Variants in NBPF10 observed in about 807,000 individuals in gnomAD.
NBPF10 encodes NBPF member 10, also known as NBPF family member NBPF10.
Under a neutral mutation model 77.9 loss-of-function variants are expected in NBPF10, and 63 were observed. That is an observed-to-expected ratio of 0.81 (90% CI 0.66 to 1.00). The LOEUF (loss-of-function observed/expected upper bound fraction) is 1.00, where lower values mean the gene tolerates loss of function less well. Among genes scored for constraint, NBPF10 ranks in the 50% least tolerant of loss-of-function variants. NBPF10 has a pLI of 0.00. For missense variants in NBPF10, 522 were observed against 679.8 expected, an observed-to-expected ratio of 0.77 and a Z score of 2.58; for synonymous variants, 146 against 264.5, an observed-to-expected ratio of 0.55 and a Z score of 4.35.
In NBPF10 at chr1:146,123,546, C is replaced by G. The variant is rs1392783034; in HGVS notation, c.2304-268G>C. ...CACACAGAGAGAGAGAGAACGAGCTCAGTGAATTGTCCAGGTGACGCACTG... is the reference window on the plus strand; with the variant it reads ...CACACAGAGAGAGAGAGAACGAGCTGAGTGAATTGTCCAGGTGACGCACTG... On this transcript the variant is annotated intron_variant, in intron 17 of 89. Coordinates refer to ENST00000583866, the Ensembl canonical transcript of NBPF10. Among the ~76,000 whole-genome samples, 77 of 105,374 alleles carry G rather than the reference C, an allele frequency of 7.3e-4. 1 individual carries two copies. Among genetic ancestry groups the G allele is most frequent in the Non-Finnish European group, 8.0e-4 (43 of 53,702 alleles). 69.1% of individuals were successfully genotyped at this position (105,374 alleles called of 152,430 possible).
chr1:146,125,859 C>G (rs1376411210), intron 14 of NBPF10, among the ~76,000 whole-genome samples: 5 of 150,878 alleles, frequency 3.3e-5, no homozygotes, highest in South Asian at 2.1e-4. Context: ...CCTGTCTCAT[C>G]AAATACTCAG....
chr1:146,066,201 G>C, exon 90 of NBPF10: 1 of 1,439,842 alleles, frequency 6.9e-7, no homozygotes, highest in South Asian at 1.4e-5. Flanking sequence ...ATAGAGCCAT[G>C]CCCACTGACC....
chr1:146,125,868 A>T (rs1423451670), intron 14 of NBPF10, among the ~76,000 whole-genome samples: 4 of 151,086 alleles, frequency 2.6e-5, no homozygotes, highest in Non-Finnish European at 5.9e-5. Flanking sequence ...TCAAATACTC[A>T]GATTGTTCAT....
intron 65 of NBPF10, among the ~76,000 whole-genome samples, chr1:146,085,744 C>A (rs879982542): frequency 1.3e-4 from 1 of 7,700 alleles, no homozygotes; most frequent in East Asian, 1.9e-3. Flanking sequence ...CACACACACA[C>A]ACACACACAC....
intron 6 of NBPF10, among the ~76,000 whole-genome samples, chr1:146,136,792 A>G (rs9424720): frequency 6.8e-6 from 1 of 146,636 alleles, no homozygotes; most frequent in East Asian, 2.0e-4. Context: ...CCTCTAAAAC[A>G]CTGCACTGGG....
At chr1:146,080,999 A>ACG (rs1656252690) in intron 71 of NBPF10, among the ~76,000 whole-genome samples, 1 of 80,462 alleles carries the variant, frequency 1.2e-5, no homozygotes, top group African/African-American at 3.3e-5. Context: ...ACACACACAC[A>ACG]CACACACACA....
chr1:146,126,115 C>G (rs1255362550), intron 14 of NBPF10, 121 bp downstream of exon 14: 1 of 723,248 alleles, frequency 1.4e-6, no homozygotes, highest in Non-Finnish European at 2.5e-6. Context: ...CCTACATGTG[C>G]CTATAGGTCC....
chr1:146,142,772 C>A lies in NBPF10; in HGVS notation c.176-20G>T, dbSNP rs1553797957. The A allele has an allele frequency of 6.0e-6, 8 of 1,324,836 alleles. 2 individuals are homozygous for A. The highest frequency in any genetic ancestry group is 8.3e-6 in the Non-Finnish European group (8 of 960,194). The allele number at this position is 1,324,836 out of a possible 1,614,324, so 82.1% of individuals were successfully genotyped here. ...CATACTCTGAAAAAAGACAGACACG[C>A]CTGCCTCAGTGGAAGGCTGGACATG... On this transcript the variant is annotated intron_variant, in intron 1 of 89. Transcript: ENST00000583866.
intron 8 of NBPF10, 94 bp from the exon 9 acceptor site, chr1:146,134,359 C>G (rs1177830181): frequency 2.0e-6 from 2 of 1,009,272 alleles, no homozygotes; most frequent in South Asian, 2.6e-5. Flanking sequence ...AACATCTAGG[C>G]ATGGGTCACC....
At chr1:146,067,034 C>G (rs1257086711) in intron 89 of NBPF10, 146 bp downstream of exon 89, 2 of 506,554 alleles carry the variant, frequency 3.9e-6, no homozygotes, top group Admixed American at 6.8e-5. Context: ...ACCTAAACAT[C>G]TACTGCAATG....
rs781888602 is a variant in NBPF10 at position 146,127,103 on chromosome 1, C to G, written c.1802-24G>C. The G allele has an allele frequency of 6.3e-6, 3 of 472,490 alleles. No individual in the cohort carries two copies. The East Asian group carries it at 9.2e-5, about 15-fold the overall frequency. The allele number at this position is 472,490 out of a possible 1,614,324, so 29.3% of individuals were successfully genotyped here. ...TCCTGCAAATAAATTCAGATGTGCCCTCTTACATTAAGTTCTTCCTTGCAC... is the reference window on the plus strand; with the variant it reads ...TCCTGCAAATAAATTCAGATGTGCCGTCTTACATTAAGTTCTTCCTTGCAC... On this transcript the variant is annotated intron_variant, in intron 12 of 89. Coordinates refer to ENST00000583866, the Ensembl canonical transcript of NBPF10.
chr1:146,069,433 T>G (rs1414563950), intron 86 of NBPF10, 110 bp downstream of exon 86: 1 of 553,522 alleles, frequency 1.8e-6, no homozygotes, highest in Non-Finnish European at 3.1e-6. Flanking sequence ...CTATAGGTCC[T>G]CCCTGTGGCA....
chr1:146,123,525 CAGAGAGAG>C (rs1186150213), intron 17 of NBPF10, among the ~76,000 whole-genome samples: 1 of 71,990 alleles, frequency 1.4e-5, no homozygotes, highest in African/African-American at 7.3e-5. Context: ...CACACACACA[CAGAGAGAG>C]AGAGAACGAG....
At chr1:146,125,708 G>A (rs1446003954) in intron 14 of NBPF10, among the ~76,000 whole-genome samples, 192 bp from the exon 15 acceptor site, 1 of 131,658 alleles carries the variant, frequency 7.6e-6, no homozygotes, top group African/African-American at 3.0e-5. Context: ...AGAAACTGTG[G>A]GTAAAATTCC....
At chr1:146,067,806 G>A (rs5011763) in intron 88 of NBPF10, among the ~76,000 whole-genome samples, 197 bp downstream of exon 88, 2 of 151,846 alleles carry the variant, frequency 1.3e-5, no homozygotes, top group African/African-American at 2.4e-5. Flanking sequence ...AGACTAGGAA[G>A]AGAGTCTTGC....
At chr1:146,069,604 G>C (rs782126125) in exon 86 of NBPF10, 2 of 1,558,126 alleles carry the variant, frequency 1.3e-6, no homozygotes, top group Admixed American at 3.6e-5. Context: ...CACTTCTGTA[G>C]GGCTGGCATG....
intron 2 of NBPF10, 80 bp downstream of exon 2, chr1:146,142,570 C>G (rs1291382254): frequency 2.8e-6 from 2 of 727,060 alleles, no homozygotes; most frequent in Non-Finnish European, 4.7e-6. Context: ...CAGCTTCGTT[C>G]TTACTTCTCC....
At chr1:146,123,519 C>T (rs878905874) in intron 17 of NBPF10, among the ~76,000 whole-genome samples, 1,249 of 90,602 alleles carry the variant, frequency 0.014, 1 homozygote, top group South Asian at 0.027. Flanking sequence ...CACACACACA[C>T]ACACACAGAG....
At chr1:146,067,732 T>C (rs1175020984) in intron 88 of NBPF10, among the ~76,000 whole-genome samples, 10 of 150,414 alleles carry the variant, frequency 6.6e-5, no homozygotes, top group Admixed American at 4.6e-4. Flanking sequence ...GTTCTCTGAA[T>C]TTGTCACATC....
Sources: allele counts gnomAD v4.1 joint callset (sites outside exome capture counted in the v4.1 genomes callset), GRCh38; gene constraint gnomAD v4.1.1; transcripts MANE v1.5; gene names NCBI Gene and HGNC (gene_info 2026-07-23, HGNC 2026-07-21).